Variants in NUDCD3 observed in about 807,000 individuals in gnomAD.
NUDCD3 encodes NudC domain containing 3, also known as nudC domain-containing protein 3.
In NUDCD3, 13 loss-of-function variants were observed where a neutral mutation model predicts 39.7. The ratio of observed to expected loss-of-function variants is 0.33; its 90% confidence interval spans 0.21 to 0.52. The LOEUF (loss-of-function observed/expected upper bound fraction) is 0.52, where lower values mean the gene tolerates loss of function less well. Ranked by LOEUF, NUDCD3 falls within the 20% of genes least tolerant of loss-of-function variation. The pLI, the probability that NUDCD3 is intolerant of heterozygous loss-of-function variation, is 0.96. For missense variants in NUDCD3, 453 were observed against 458.1 expected, an observed-to-expected ratio of 0.99 and a Z score of 0.10; for synonymous variants, 175 against 172.4, an observed-to-expected ratio of 1.02 and a Z score of -0.12.
chr7:44,466,899 A>C (rs1800129526), intron 2 of NUDCD3, among the ~76,000 whole-genome samples: 1 of 152,150 alleles, frequency 6.6e-6, no homozygotes, highest in Admixed American at 6.5e-5. Flanking sequence ...GGAACGTGTG[A>C]CCCACTCAGA....
At chr7:44,482,888 A>C (rs181698299) in intron 2 of NUDCD3, among the ~76,000 whole-genome samples, 13 of 152,360 alleles carry the variant, frequency 8.5e-5, no homozygotes, top group Non-Finnish European at 1.5e-4. Flanking sequence ...GTAGAAATTG[A>C]AGCCATAAAA....
chr7:44,471,611 T>C (rs750544104), intron 2 of NUDCD3, among the ~76,000 whole-genome samples: 17 of 152,176 alleles, frequency 1.1e-4, no homozygotes, highest in Admixed American at 5.9e-4. Flanking sequence ...TGTAAACACA[T>C]AGGAGTGTGT....
At chr7:44,429,021 T>A (rs1251121773) in intron 2 of NUDCD3, among the ~76,000 whole-genome samples, 1 of 152,232 alleles carries the variant, frequency 6.6e-6, no homozygotes, top group Non-Finnish European at 1.5e-5. Context: ...TCTATATAGA[T>A]GCACATACAA....
Position 44,384,015 on chromosome 7 carries a change from A to C in NUDCD3, c.*1996T>G, listed in dbSNP as rs1375583591. On this transcript the variant is annotated 3_prime_UTR_variant, in exon 6 of 6. Coordinates refer to ENST00000355451, the MANE Select transcript of NUDCD3 (RefSeq NM_015332.4). ...ATATTGGTTTGCTGTTTATTAAAGC[A>C]GGGCAGGGAGTGGGGAGAAATGCAA... is the stretch of plus-strand genomic sequence containing the variant. The C allele has an allele frequency of 6.6e-6, 1 of 152,288 alleles. No individual in the cohort carries two copies. The highest frequency in any genetic ancestry group is 1.5e-5 in the Non-Finnish European group (1 of 68,064). 9.4% of individuals were successfully genotyped at this position (152,288 alleles called of 1,614,324 possible).
In NUDCD3 at chr7:44,454,540, T is replaced by A. The variant is rs145844813; in HGVS notation, c.510-26837A>T. 9.2e-5 allele frequency among the ~76,000 whole-genome samples: 14 copies of A among 152,346 alleles called. No homozygotes were observed. In the East Asian group the frequency reaches 1.5e-3, roughly 17 times the overall value. ...GCTAACCTCAACCACCTCCGTGAGC[T>A]ATGCCAGCTGCCTCTGTGACCTGGC... On this transcript the variant is annotated intron_variant, in intron 2 of 5. Transcript: ENST00000355451.
chr7:44,470,054 A>AT (rs1800222066), intron 2 of NUDCD3, among the ~76,000 whole-genome samples: 1 of 152,244 alleles, frequency 6.6e-6, no homozygotes, highest in Non-Finnish European at 1.5e-5. Flanking sequence ...GTAATCCCTC[A>AT]TTATAAAAGA....
intron 1 of NUDCD3, 192 bp downstream of exon 1, chr7:44,490,217 G>C (rs1322101546): frequency 3.4e-6 from 2 of 585,022 alleles, no homozygotes; most frequent in African/African-American, 3.9e-5. Flanking sequence ...CAGGACGTCC[G>C]GAGCGAACAC....
intron 4 of NUDCD3, among the ~76,000 whole-genome samples, chr7:44,401,030 G>A (rs533484397): frequency 6.6e-6 from 1 of 152,168 alleles, no homozygotes; most frequent in Non-Finnish European, 1.5e-5. Context: ...ACAAACATTG[G>A]AGATCAACAA....
At chr7:44,399,747 T>G (rs189000694) in intron 4 of NUDCD3, among the ~76,000 whole-genome samples, 3 of 152,296 alleles carry the variant, frequency 2.0e-5, no homozygotes, top group Non-Finnish European at 4.4e-5. Context: ...GCTCAGAGGC[T>G]GCAGTTACAC....
At position 44,419,015 on chromosome 7, in the gene NUDCD3, GT is replaced by G. The variant is rs972575799; in HGVS notation, c.642+8555del. On this transcript the variant is annotated intron_variant, in intron 3 of 5. Transcript: ENST00000355451. ...GGCAGACACTGAGCTAGCTGCAGGA[GT>G]TTTTTTTTTGTTTGGTTTTTGTTTT... Among the ~76,000 whole-genome samples the G allele has an allele frequency of 1.2e-3, 184 of 149,588 alleles. 1 individual carries two copies. Among genetic ancestry groups the G allele is most frequent in the Admixed American group, 9.9e-3 (148 of 14,976 alleles).
intron 1 of NUDCD3, among the ~76,000 whole-genome samples, chr7:44,485,969 C>T (rs1235232951): frequency 2.0e-5 from 3 of 152,154 alleles, no homozygotes; most frequent in South Asian, 2.1e-4. Flanking sequence ...AACTCTGATA[C>T]AAGAGGGGGC....
intron 2 of NUDCD3, among the ~76,000 whole-genome samples, chr7:44,444,683 G>A (rs186367495): frequency 2.0e-5 from 3 of 152,290 alleles, no homozygotes; most frequent in Non-Finnish European, 1.5e-5. Flanking sequence ...AGGCCTGGGA[G>A]AAGCTCCCAC....
At chr7:44,474,442 T>C (rs1027086915) in intron 2 of NUDCD3, among the ~76,000 whole-genome samples, 2 of 152,190 alleles carry the variant, frequency 1.3e-5, no homozygotes, top group African/African-American at 2.4e-5. Flanking sequence ...CACTTGACCA[T>C]TGTACATCTC....
At chr7:44,412,964 C>G (rs1245684417) in intron 3 of NUDCD3, among the ~76,000 whole-genome samples, 8 of 140,908 alleles carry the variant, frequency 5.7e-5, no homozygotes, top group Non-Finnish European at 3.2e-5. Context: ...AGAAAGAAAC[C>G]ATTGACCATT....
chr7:44,433,090 C>A (rs967581946), intron 2 of NUDCD3, among the ~76,000 whole-genome samples: 1 of 152,162 alleles, frequency 6.6e-6, no homozygotes, highest in Non-Finnish European at 1.5e-5. Flanking sequence ...TGGGAGGACA[C>A]CACAAGAAAA....
At chr7:44,436,739 C>G (rs761349234) in intron 2 of NUDCD3, among the ~76,000 whole-genome samples, 3 of 152,188 alleles carry the variant, frequency 2.0e-5, no homozygotes, top group Non-Finnish European at 2.9e-5. Flanking sequence ...AATTCCAGTT[C>G]ATGTCTTTCA....
intron 1 of NUDCD3, among the ~76,000 whole-genome samples, chr7:44,486,939 C>G (rs1215154353): frequency 6.6e-6 from 1 of 152,174 alleles, no homozygotes; most frequent in East Asian, 1.9e-4. Context: ...GAACTCTAAT[C>G]TGTAACCTCC....
rs1311238604 is a variant in NUDCD3, at chr7:44,486,638, C to T, written c.193-1354G>A. 3.3e-5 allele frequency among the ~76,000 whole-genome samples: 5 copies of T among 152,190 alleles called. No individual in the cohort carries two copies. In the East Asian group the frequency reaches 7.7e-4, roughly 23 times the overall value. ...TTCATTCTAACATTAGGGTCTCTAC[C>T]GCTTTGAGTCCATGCTTTCAGAGTT... On this transcript the variant is annotated intron_variant, in intron 1 of 5. Coordinates refer to ENST00000355451, the MANE Select transcript of NUDCD3 (RefSeq NM_015332.4).
chr7:44,444,014 A>G lies in NUDCD3; in HGVS notation c.510-16311T>C, dbSNP rs1159098170. ...AGTGAGATTCCAGGTGTGTTCATCT[A>G]AGACTAATGCATTTGGATACCTCTC... On this transcript the variant is annotated intron_variant, in intron 2 of 5. Coordinates refer to ENST00000355451, the MANE Select transcript of NUDCD3 (RefSeq NM_015332.4). Among the ~76,000 whole-genome samples, 4 of 152,212 alleles carry G rather than the reference A, an allele frequency of 2.6e-5. 1 individual carries two copies. The highest frequency in any genetic ancestry group is 5.9e-5 in the Non-Finnish European group (4 of 68,028).
Sources: allele counts gnomAD v4.1 joint callset (sites outside exome capture counted in the v4.1 genomes callset), GRCh38; gene constraint gnomAD v4.1.1; transcripts MANE v1.5; gene names NCBI Gene and HGNC (gene_info 2026-07-23, HGNC 2026-07-21).